RNF4: variants seen among roughly 807,000 people sequenced by gnomAD.
RNF4 encodes the protein ring finger protein 4, also known as E3 ubiquitin-protein ligase RNF4.
RNF4 carries 7 observed loss-of-function variants against 24.3 expected under a neutral mutation model. That is an observed-to-expected ratio of 0.29 (90% CI 0.16 to 0.54). The LOEUF is 0.54. Among genes scored for constraint, RNF4 ranks in the 20% least tolerant of loss-of-function variants. RNF4 has a pLI of 0.95. For synonymous variants in RNF4, 83 were observed against 84.3 expected, an observed-to-expected ratio of 0.98 and a Z score of 0.09; for missense variants, 209 against 248.5, an observed-to-expected ratio of 0.84 and a Z score of 1.07.
intron 7 of RNF4, 77 bp from the exon 8 acceptor site, chr4:2,513,593 T>G: frequency 6.4e-7 from 1 of 1,560,136 alleles, no homozygotes; most frequent in Non-Finnish European, 8.8e-7. Context: ...TAGGCATAGG[T>G]GGGTGGGATT....
intron 3 of RNF4, among the ~76,000 whole-genome samples, chr4:2,499,153 T>G (rs1233422294): frequency 6.6e-6 from 1 of 152,080 alleles, no homozygotes; most frequent in East Asian, 1.9e-4. Context: ...GCCGAGATCG[T>G]GCCACTGCAC....
intron 4 of RNF4, among the ~76,000 whole-genome samples, chr4:2,504,828 G>C (rs1578521525): frequency 6.6e-6 from 1 of 150,994 alleles, no homozygotes; most frequent in Non-Finnish European, 1.5e-5. Flanking sequence ...CGCCTCCCGG[G>C]TTCAAGCAAT....
At chr4:2,492,512 G>A (rs3849663) in intron 2 of RNF4, among the ~76,000 whole-genome samples, 29,538 of 152,224 alleles carry the variant, frequency 0.19, 3,379 homozygotes, top group Middle Eastern at 0.31. Context: ...TGTTGTCTGA[G>A]ATCCTGAATT....
rs61738929 is a variant in RNF4 at position 2,513,089 on chromosome 4, A to G, written c.381A>G (p.Ser127=). The G allele has an allele frequency of 1.8e-3, 2,904 of 1,613,814 alleles. 47 individuals carry two copies. In the African/African-American group the frequency reaches 0.031, roughly 17 times the overall value. The change falls in exon 7 of 8, where the codon TCA becomes TCG. Residue 127 remains serine (S), a synonymous_variant. Coordinates refer to ENST00000314289, the MANE Select transcript of RNF4 (RefSeq NM_002938.5). ...TGAAGCACTGTGCTCTTAGGCCCTCAGGTACTGTCAGTTGTCCCATCTGCA... is the reference window on the plus strand; with the variant it reads ...TGAAGCACTGTGCTCTTAGGCCCTCGGGTACTGTCAGTTGTCCCATCTGCA... ...RDEGATGLRP[S]GTVSCPICMD... is the part of the protein sequence containing the mutation.
chr4:2,510,779 G>A (rs1177333212), intron 4 of RNF4, among the ~76,000 whole-genome samples: 4 of 152,176 alleles, frequency 2.6e-5, no homozygotes, highest in Admixed American at 6.5e-5. Context: ...GGGAAAGGGC[G>A]TTCCACTGGC....
At chr4:2,497,308 T>C in intron 3 of RNF4, 187 bp downstream of exon 3, 2 of 490,976 alleles carry the variant, frequency 4.1e-6, no homozygotes, top group Non-Finnish European at 7.3e-6. Flanking sequence ...TGTTCAACTC[T>C]GGTAATGTGC....
At chr4:2,513,054 G>A (rs1365959873) in intron 6 of RNF4, 29 bp from the exon 7 acceptor site, 1 of 1,611,466 alleles carries the variant, frequency 6.2e-7, no homozygotes, top group African/African-American at 1.3e-5. Flanking sequence ...CGTTGACTGA[G>A]AAACTAACGT....
At chr4:2,489,989 A>G (rs1438304477) in intron 1 of RNF4, 1 of 154,406 alleles carries the variant, frequency 6.5e-6, no homozygotes, top group Non-Finnish European at 1.4e-5. Context: ...TGGCCTCAGA[A>G]GCTCTGTCCC....
At chr4:2,487,815 A>T (rs1425314057) in intron 1 of RNF4, among the ~76,000 whole-genome samples, 1 of 152,188 alleles carries the variant, frequency 6.6e-6, no homozygotes, top group Non-Finnish European at 1.5e-5. Flanking sequence ...GAAACAGTGA[A>T]GGGGATTTCC....
chr4:2,513,401 C>T (rs1463839861), intron 7 of RNF4, among the ~76,000 whole-genome samples: 2 of 152,206 alleles, frequency 1.3e-5, no homozygotes, highest in Admixed American at 1.3e-4. Context: ...CATCCTGGCT[C>T]TAACTGAAAG....
intron 4 of RNF4, among the ~76,000 whole-genome samples, chr4:2,504,726 A>ATTTTT (rs1182588172): frequency 4.4e-4 from 27 of 61,118 alleles, no homozygotes; most frequent in African/African-American, 1.5e-3. Flanking sequence ...CATTTTTTGT[A>ATTTTT]TTTTTTTTTT....
intron 1 of RNF4, among the ~76,000 whole-genome samples, chr4:2,473,681 C>T (rs1734980625): frequency 6.6e-6 from 1 of 151,862 alleles, no homozygotes; most frequent in South Asian, 2.1e-4. Flanking sequence ...CGTGGTGGCG[C>T]ACGCCTGTAA....
chr4:2,501,290 G>A (rs1033062431), intron 4 of RNF4, among the ~76,000 whole-genome samples: 1 of 152,258 alleles, frequency 6.6e-6, no homozygotes, highest in Non-Finnish European at 1.5e-5. Context: ...AAAGGAAAGG[G>A]AACGTTGGCT....
intron 4 of RNF4, among the ~76,000 whole-genome samples, chr4:2,504,180 T>G (rs952862351): frequency 6.6e-6 from 1 of 152,254 alleles, no homozygotes; most frequent in African/African-American, 2.4e-5. Flanking sequence ...TGAGAGACTT[T>G]GTTCATCTCA....
At chr4:2,479,040 T>A (rs926429197) in intron 1 of RNF4, among the ~76,000 whole-genome samples, 1 of 152,228 alleles carries the variant, frequency 6.6e-6, no homozygotes. Context: ...TGGATCAGCG[T>A]GACCTGGATG....
intron 4 of RNF4, among the ~76,000 whole-genome samples, chr4:2,502,099 G>GATAA (rs1735928847): frequency 6.6e-6 from 1 of 152,212 alleles, no homozygotes. Context: ...TTAGCTGGCA[G>GATAA]CTACAGCACA....
chr4:2,501,543 G>A (rs971420039), intron 4 of RNF4, among the ~76,000 whole-genome samples: 7 of 152,266 alleles, frequency 4.6e-5, no homozygotes, highest in Non-Finnish European at 8.8e-5. Context: ...GACACACGGA[G>A]AAGCTATTTC....
chr4:2,495,275 T>A (rs1466993950), intron 2 of RNF4, among the ~76,000 whole-genome samples: 3 of 152,224 alleles, frequency 2.0e-5, no homozygotes. Context: ...AGAATCAGGC[T>A]TATCCCTGTT....
chr4:2,501,820 G>C (rs1179306991), intron 4 of RNF4, among the ~76,000 whole-genome samples: 2 of 152,088 alleles, frequency 1.3e-5, no homozygotes, highest in African/African-American at 4.8e-5. Context: ...CTGATGCCTG[G>C]GTATCTGAAT....
Sources: allele counts gnomAD v4.1 joint callset (sites outside exome capture counted in the v4.1 genomes callset), GRCh38; gene constraint gnomAD v4.1.1; transcripts MANE v1.5; gene names NCBI Gene and HGNC (gene_info 2026-07-23, HGNC 2026-07-21).